Variants in EVC2 observed in about 807,000 individuals in gnomAD.
EVC2 encodes the protein limbin.
A neutral mutation model predicts 149.3 loss-of-function variants in EVC2; 148 were observed. The ratio of observed to expected loss-of-function variants is 0.99; its 90% CI spans 0.87 to 1.14. The LOEUF is 1.14. Among genes scored for constraint, EVC2 ranks in the 50% most tolerant of loss-of-function variants. EVC2 has a pLI of 0.00. For missense variants in EVC2, 1,854 were observed against 1,627.3 expected (o/e 1.14, Z -2.40); for synonymous variants, 776 against 649.9 (o/e 1.19, Z -2.95).
chr4:5,685,033 C>T (rs1000529985), intron 6 of EVC2, among the ~76,000 whole-genome samples: 8 of 152,146 alleles, frequency 5.3e-5, no homozygotes, highest in Non-Finnish European at 8.8e-5. Context: ...GTTATGGTAG[C>T]CCTGCAAAAT....
intron 21 of EVC2, among the ~76,000 whole-genome samples, chr4:5,543,529 T>C (rs1274876599): frequency 6.6e-6 from 1 of 151,912 alleles, no homozygotes; most frequent in African/African-American, 2.4e-5. Flanking sequence ...AATAACAAAA[T>C]TGGCAAAAAT....
downstream of EVC2, chr4:5,562,375 G>C: frequency 1.1e-6 from 1 of 897,586 alleles, no homozygotes; most frequent in Non-Finnish European, 1.4e-6. The surrounding 1 kb of genome is among the most constrained non-coding windows in gnomAD (Gnocchi z 4.3). Flanking sequence ...GGAACAAAAC[G>C]TAAGACGTAA....
chr4:5,673,851 G>A (rs1466806569), intron 7 of EVC2, among the ~76,000 whole-genome samples: 1 of 152,152 alleles, frequency 6.6e-6, no homozygotes, highest in Non-Finnish European at 1.5e-5. Flanking sequence ...GAACATGTTA[G>A]CAATGGTTCT....
At chr4:5,659,307 G>T (rs1323181369) in intron 9 of EVC2, among the ~76,000 whole-genome samples, 1 of 151,430 alleles carries the variant, frequency 6.6e-6, no homozygotes, top group Non-Finnish European at 1.5e-5. Context: ...TGCATACTAA[G>T]CTCCTGCCAT....
chr4:5,600,185 A>T (rs1381883218), intron 16 of EVC2, among the ~76,000 whole-genome samples: 2 of 152,164 alleles, frequency 1.3e-5, no homozygotes, highest in African/African-American at 4.8e-5. Context: ...AACCTGTCTG[A>T]GTCTCAGTTT....
At chr4:5,705,316 G>C in intron 1 of EVC2, among the ~76,000 whole-genome samples, 1 of 152,126 alleles carries the variant, frequency 6.6e-6, no homozygotes, top group East Asian at 1.9e-4. Context: ...TAATTCTTGG[G>C]ACATCAGATA....
intron 14 of EVC2, among the ~76,000 whole-genome samples, chr4:5,619,883 T>A (rs757203589): frequency 2.0e-5 from 3 of 152,220 alleles, no homozygotes; most frequent in Non-Finnish European, 4.4e-5. Context: ...TGTGTTTGAA[T>A]GTTCTGGTAA....
chr4:5,562,746 A>G lies in EVC2; in HGVS notation c.*102T>C, dbSNP rs1722029997. The stretch of plus-strand genomic sequence containing the variant: ...GGGGTCTGTGCCTTCTGCATGTGCA[A>G]TTTATATTTGCGAGTTGTGCATTAT... On this transcript the variant is annotated 3_prime_UTR_variant, in exon 22 of 22. Transcript: ENST00000344408. This position sits in a 1 kb window ranked among gnomAD's most constrained non-coding sequence, Gnocchi z 4.3. 7 of 1,597,220 alleles carry G rather than the reference A, an allele frequency of 4.4e-6. No individual in the cohort carries two copies. The highest frequency in any genetic ancestry group is 3.4e-5 in the Admixed American group (2 of 59,602).
In EVC2 at chr4:5,686,127, C is replaced by CACACACACATATAT. The variant is rs71171411; in HGVS notation, c.707-649_707-648insATATATGTGTGTGT. Among the ~76,000 whole-genome samples, 1 of 149,548 alleles carries CACACACACATATAT rather than the reference C, an allele frequency of 6.7e-6. No individual in the cohort carries two copies. Among genetic ancestry groups the CACACACACATATAT allele is most frequent in the Non-Finnish European group, 1.5e-5 (1 of 67,676 alleles). ...ACACACACACACACACACACACACA[C>CACACACACATATAT]AGAGTAAAGAAAAGAGGAGGAACGC... On this transcript the variant is annotated intron_variant, in intron 5 of 21. Transcript: ENST00000344408. The surrounding 1 kb of genome is among the most constrained non-coding windows in gnomAD (Gnocchi z 5.4).
chr4:5,662,841 C>T (rs558305653), intron 9 of EVC2, among the ~76,000 whole-genome samples: 1 of 151,888 alleles, frequency 6.6e-6, no homozygotes, highest in African/African-American at 2.4e-5. Flanking sequence ...TTCCCATTTG[C>T]ATGGTGGTCA....
At chr4:5,529,120 C>T in the EVC2 span, among the ~76,000 whole-genome samples, 1 of 152,104 alleles carries the variant, frequency 6.6e-6, no homozygotes, top group African/African-American at 2.4e-5. The surrounding 1 kb of genome is among the most constrained non-coding windows in gnomAD (Gnocchi z 4.5). Context: ...CCTCTGCCTC[C>T]TTGCTGAATG....
At chr4:5,539,075 T>A (rs1241464475), downstream of EVC2, among the ~76,000 whole-genome samples, 1 of 152,108 alleles carries the variant, frequency 6.6e-6, no homozygotes, top group Non-Finnish European at 1.5e-5. Flanking sequence ...AAAAAGCCAC[T>A]AAAGCTAATC....
rs997272250 is a variant in EVC2 at position 5,679,107 on chromosome 4, A to G, written c.870+2153T>C. Among the ~76,000 whole-genome samples the G allele has an allele frequency of 6.6e-6, 1 of 152,128 alleles. No homozygotes were observed. The highest frequency in any genetic ancestry group is 2.4e-5 in the African/African-American group (1 of 41,404). On this transcript the variant is annotated intron_variant, in intron 7 of 21. Coordinates refer to ENST00000344408, the MANE Select transcript of EVC2 (RefSeq NM_147127.5). This position sits in a 1 kb window ranked among gnomAD's most constrained non-coding sequence, Gnocchi z 5.1. Reference sequence around the variant, plus strand: ...ACACTCGTATAGGAAATGTATCATAACTCGAGCTTGCAGGTCTGGAAGTTG... The same window carrying G: ...ACACTCGTATAGGAAATGTATCATAGCTCGAGCTTGCAGGTCTGGAAGTTG...
chr4:5,597,581 G>C (rs560073019), intron 16 of EVC2, among the ~76,000 whole-genome samples: 1 of 151,278 alleles, frequency 6.6e-6, no homozygotes, highest in South Asian at 2.1e-4. Flanking sequence ...AATAATAAGA[G>C]CTATCTATGA....
At chr4:5,601,404 T>C (rs1160467986) in intron 16 of EVC2, among the ~76,000 whole-genome samples, 1 of 152,090 alleles carries the variant, frequency 6.6e-6, no homozygotes, top group African/African-American at 2.4e-5. Context: ...GAAGATGCTC[T>C]TGAAGAATTA....
intron 9 of EVC2, among the ~76,000 whole-genome samples, chr4:5,642,220 T>A (rs1717384486): frequency 6.6e-6 from 1 of 152,234 alleles, no homozygotes; most frequent in South Asian, 2.1e-4. Flanking sequence ...TCCTTGCTAT[T>A]GTAAATAGTG....
chr4:5,689,677 G>A (rs939372580), intron 4 of EVC2, among the ~76,000 whole-genome samples: 3 of 152,222 alleles, frequency 2.0e-5, no homozygotes, highest in Admixed American at 6.5e-5. Flanking sequence ...GTGTTACCAA[G>A]CAAACAATGG....
chr4:5,543,576 G>C (rs1292277150), intron 21 of EVC2, among the ~76,000 whole-genome samples: 3 of 152,166 alleles, frequency 2.0e-5, no homozygotes, highest in African/African-American at 7.2e-5. Context: ...AGCCCAACAG[G>C]AGGTAAGGTG....
chr4:5,574,149 C>T (rs947993319), intron 19 of EVC2, among the ~76,000 whole-genome samples: 10 of 152,214 alleles, frequency 6.6e-5, no homozygotes, highest in Admixed American at 3.9e-4. Flanking sequence ...GGAAGCCCAT[C>T]GCAGGATGCG....
Sources: gnomAD v4.1 joint callset for allele counts (sites outside exome capture counted in the v4.1 genomes callset) on GRCh38, gnomAD v4.1.1 for gene constraint, Gnocchi (gnomAD v3.1) non-coding constraint, MANE v1.5 for transcripts, NCBI Gene and HGNC (gene_info 2026-07-23, HGNC 2026-07-21) for gene names.